Variants in IMMP2L observed in about 807,000 individuals in gnomAD.
IMMP2L encodes mitochondrial inner membrane protease subunit 2.
Under a neutral mutation model 19.3 loss-of-function variants are expected in IMMP2L, and 18 were observed. The ratio of observed to expected loss-of-function variants is 0.93; its 90% CI spans 0.64 to 1.38. The LOEUF (loss-of-function observed/expected upper bound fraction) is 1.38, where lower values mean the gene tolerates loss of function less well. Ranked by LOEUF, IMMP2L falls within the 40% of genes most tolerant of loss-of-function variation. The pLI, the probability that IMMP2L is intolerant of heterozygous loss-of-function variation, is 0.00. For synonymous variants in IMMP2L, 76 were observed against 73.0 expected (o/e 1.04, Z -0.21); for missense variants, 233 against 218.2 (o/e 1.07, Z -0.43).
At chr7:111,153,716 A>G (rs1804325069) in intron 3 of IMMP2L, among the ~76,000 whole-genome samples, 1 of 152,094 alleles carries the variant, frequency 6.6e-6, no homozygotes, top group South Asian at 2.1e-4. Flanking sequence ...TTTAATGAGA[A>G]CTATATATTT....
At chr7:111,332,248 C>T (rs901627144) in intron 3 of IMMP2L, among the ~76,000 whole-genome samples, 1 of 151,430 alleles carries the variant, frequency 6.6e-6, no homozygotes, top group South Asian at 2.1e-4. Flanking sequence ...CTTCAAAAAT[C>T]GAATAGTAAA....
chr7:110,836,883 G>A (rs1471669559), intron 5 of IMMP2L, among the ~76,000 whole-genome samples: 1 of 152,046 alleles, frequency 6.6e-6, no homozygotes, highest in Non-Finnish European at 1.5e-5. Flanking sequence ...GATCCCCAGG[G>A]TGCAGAGAAA....
chr7:110,944,905 T>C (rs1817100995), intron 4 of IMMP2L, among the ~76,000 whole-genome samples: 1 of 151,968 alleles, frequency 6.6e-6, no homozygotes, highest in Non-Finnish European at 1.5e-5. Flanking sequence ...GAATGTTTTC[T>C]GTCCTTTGCT....
chr7:111,279,557 C>G (rs1819473400), intron 3 of IMMP2L, among the ~76,000 whole-genome samples: 1 of 152,094 alleles, frequency 6.6e-6, no homozygotes. Context: ...TACGAAAACC[C>G]TTTTTCTAAA....
intron 3 of IMMP2L, among the ~76,000 whole-genome samples, chr7:111,408,021 C>G (rs930600430): frequency 6.6e-6 from 1 of 151,846 alleles, no homozygotes; most frequent in African/African-American, 2.4e-5. Context: ...TGAGATAACT[C>G]AGGCATGGGA....
intron 3 of IMMP2L, among the ~76,000 whole-genome samples, chr7:111,241,961 G>A (rs370094170): frequency 2.6e-5 from 4 of 151,964 alleles, no homozygotes; most frequent in Non-Finnish European, 2.9e-5. Context: ...AACATTATAC[G>A]TGAAAAATAT....
intron 3 of IMMP2L, among the ~76,000 whole-genome samples, chr7:111,260,567 A>G (rs952801559): frequency 1.3e-5 from 2 of 152,148 alleles, no homozygotes; most frequent in African/African-American, 4.8e-5. Flanking sequence ...AAATTTTGGG[A>G]TGGCACCTAT....
At chr7:111,192,608 T>C (rs1056981565) in intron 3 of IMMP2L, among the ~76,000 whole-genome samples, 1 of 152,046 alleles carries the variant, frequency 6.6e-6, no homozygotes, top group African/African-American at 2.4e-5. Context: ...AGTAAGACAT[T>C]TGGAACACAC....
At chr7:111,526,105 A>T (rs572098527) in intron 1 of IMMP2L, among the ~76,000 whole-genome samples, 2 of 152,316 alleles carry the variant, frequency 1.3e-5, no homozygotes, top group East Asian at 3.9e-4. Context: ...AAATAAGTTC[A>T]GTTTGGATAG....
chr7:111,368,616 G>A (rs1830002595), intron 3 of IMMP2L, among the ~76,000 whole-genome samples: 1 of 151,774 alleles, frequency 6.6e-6, no homozygotes, highest in African/African-American at 2.4e-5. Flanking sequence ...CTTCAATCCT[G>A]TGAGCTTTTC....
intron 3 of IMMP2L, among the ~76,000 whole-genome samples, chr7:111,218,261 C>T (rs1474759933): frequency 2.0e-5 from 3 of 152,034 alleles, no homozygotes; most frequent in Non-Finnish European, 4.4e-5. Flanking sequence ...CAAGGTTTTA[C>T]AAGTCTTACC....
At chr7:111,307,075 T>C (rs1311020103) in intron 3 of IMMP2L, among the ~76,000 whole-genome samples, 1 of 150,708 alleles carries the variant, frequency 6.6e-6, no homozygotes, top group African/African-American at 2.4e-5. Context: ...CTGTCCATTT[T>C]CTACACAAAT....
intron 3 of IMMP2L, among the ~76,000 whole-genome samples, chr7:111,237,542 T>A (rs1455203177): frequency 2.0e-5 from 3 of 151,970 alleles, no homozygotes; most frequent in African/African-American, 7.2e-5. Context: ...AATATTAATT[T>A]TAATAACCAT....
intron 5 of IMMP2L, among the ~76,000 whole-genome samples, chr7:110,814,687 T>C (rs1025053635): frequency 1.4e-4 from 21 of 147,496 alleles, no homozygotes; most frequent in African/African-American, 5.0e-4. Flanking sequence ...ACAAAAACAA[T>C]TGGTCAAGTA....
chr7:111,548,446 G>C lies in IMMP2L; in HGVS notation c.-3+13405C>G, dbSNP rs1265348551. ...TTTAACAGTCATTCTTACATCTTTT[G>C]TCATAGGATATTCCACCGTTCTGTC... is the stretch of plus-strand genomic sequence containing the variant. On this transcript the variant is annotated intron_variant, in intron 1 of 5. Transcript: ENST00000405709. 4.6e-5 allele frequency among the ~76,000 whole-genome samples: 7 copies of C among 152,136 alleles called. No homozygotes were observed. The South Asian group carries it at 6.2e-4, about 14-fold the overall frequency.
chr7:111,313,944 G>C (rs1823779950), intron 3 of IMMP2L, among the ~76,000 whole-genome samples: 2 of 152,076 alleles, frequency 1.3e-5, no homozygotes, highest in African/African-American at 4.8e-5. Context: ...GTTCTCGCAA[G>C]ATCTAGTCAT....
intron 5 of IMMP2L, among the ~76,000 whole-genome samples, chr7:110,873,398 C>T (rs1231105955): frequency 1.7e-5 from 2 of 114,686 alleles, no homozygotes; most frequent in East Asian, 5.6e-4. Context: ...ACACTGCACT[C>T]AAGCCTGGGA....
chr7:110,663,671 TG>T lies in IMMP2L; in HGVS notation c.458del (p.Pro153GlnfsTer54). 1 of 1,609,818 alleles carries T rather than the reference TG, an allele frequency of 6.2e-7. No homozygotes were observed. Among genetic ancestry groups the T allele is most frequent in the Non-Finnish European group, 8.5e-7 (1 of 1,177,064 alleles). On this transcript the variant is annotated frameshift_variant, in exon 6 of 6. Coordinates refer to ENST00000405709, the MANE Select transcript of IMMP2L (RefSeq NM_032549.4). LOFTEE classifies it high-confidence loss of function. The part of the protein sequence containing the change: ...HAHATHILWP[P>X]ERWQKLESVL... ...CAGATTCCAATTTCTGCCAGCGCTC[TG>T]GGGGCCACAGGATATGTGTGGCATG... is the stretch of plus-strand genomic sequence containing the variant.
intron 3 of IMMP2L, among the ~76,000 whole-genome samples, chr7:111,255,850 G>T (rs1429761055): frequency 1.3e-5 from 2 of 151,936 alleles, no homozygotes; most frequent in Non-Finnish European, 2.9e-5. Context: ...CCAAGAAAAG[G>T]TTATCTATCT....
Sources: allele counts gnomAD v4.1 joint callset (sites outside exome capture counted in the v4.1 genomes callset), GRCh38; gene constraint gnomAD v4.1.1; transcripts MANE v1.5; gene names NCBI Gene and HGNC (gene_info 2026-07-23, HGNC 2026-07-21).